TRAPPC9: variants seen among roughly 807,000 people sequenced by gnomAD.
The protein encoded by TRAPPC9 is IKK2 binding protein.
TRAPPC9 carries 83 observed loss-of-function variants against 124.0 expected under a neutral mutation model. The observed-to-expected ratio is 0.67, with a 90% CI of 0.56 to 0.80. The LOEUF is 0.80. TRAPPC9 is among the 30% of genes least tolerant of loss of function. The pLI is 0.00. For missense variants in TRAPPC9, 1,302 were observed against 1,508.3 expected, an observed-to-expected ratio of 0.86 and a Z score of 2.27; for synonymous variants, 638 against 617.5, an observed-to-expected ratio of 1.03 and a Z score of -0.49.
intron 16 of TRAPPC9, among the ~76,000 whole-genome samples, chr8:140,251,634 C>G (rs948157820): frequency 2.0e-5 from 3 of 152,206 alleles, no homozygotes; most frequent in Non-Finnish European, 4.4e-5. Flanking sequence ...GCTGCATCTA[C>G]TGAAGGCCTA....
intron 19 of TRAPPC9, among the ~76,000 whole-genome samples, chr8:139,969,102 T>A (rs919727374): frequency 6.6e-6 from 1 of 152,256 alleles, no homozygotes; most frequent in Non-Finnish European, 1.5e-5. Flanking sequence ...ATCGTGCATG[T>A]CTAACGCAGC....
In TRAPPC9 at chr8:140,252,737, A is replaced by G. The variant is rs2064157890; in HGVS notation, c.2431+40T>C. On this transcript the variant is annotated intron_variant, in intron 16 of 22. Coordinates refer to ENST00000438773, the MANE Select transcript of TRAPPC9 (RefSeq NM_001160372.4). The surrounding 1 kb of genome is among the most constrained non-coding windows in gnomAD (Gnocchi z 4.2). ...GGATGGGGGTTGCTACACAGTATCT[A>G]GGACCCTGACGTGCTAATTAAAATT... The G allele has an allele frequency of 1.2e-6, 2 of 1,608,466 alleles. No homozygotes were observed. The highest frequency in any genetic ancestry group is 1.7e-6 in the Non-Finnish European group (2 of 1,179,404).
intron 21 of TRAPPC9, among the ~76,000 whole-genome samples, chr8:139,803,146 C>T (rs1208632695): frequency 6.8e-6 from 1 of 147,824 alleles, no homozygotes; most frequent in Admixed American, 6.7e-5. Flanking sequence ...GTCTGTGTGC[C>T]GTCGTGTGAG....
chr8:140,066,909 G>T (rs1226421973), intron 17 of TRAPPC9, among the ~76,000 whole-genome samples: 1 of 152,168 alleles, frequency 6.6e-6, no homozygotes, highest in South Asian at 2.1e-4. Flanking sequence ...AGGAAGAAAG[G>T]CTCCTGCATG....
chr8:140,085,919 C>G (rs1844155989), intron 17 of TRAPPC9, among the ~76,000 whole-genome samples: 1 of 152,144 alleles, frequency 6.6e-6, no homozygotes, highest in Non-Finnish European at 1.5e-5. Flanking sequence ...TATAGCTTCC[C>G]CCCACCCCAC....
intron 21 of TRAPPC9, among the ~76,000 whole-genome samples, chr8:139,809,387 C>A (rs1023016191): frequency 6.6e-6 from 1 of 151,992 alleles, no homozygotes; most frequent in Non-Finnish European, 1.5e-5. Context: ...GAGGAGACTG[C>A]GAACTGAGGA....
chr8:140,382,895 T>G (rs1184661015), intron 7 of TRAPPC9, among the ~76,000 whole-genome samples: 3 of 151,834 alleles, frequency 2.0e-5, no homozygotes, highest in Non-Finnish European at 4.4e-5. Flanking sequence ...GTAGCCTAAC[T>G]TGGGGGGAGG....
chr8:140,415,205 T>C (rs1466894304), intron 5 of TRAPPC9, among the ~76,000 whole-genome samples: 1 of 151,640 alleles, frequency 6.6e-6, no homozygotes, highest in Non-Finnish European at 1.5e-5. Flanking sequence ...TAGAACCTTG[T>C]CTAAAAATAA....
At chr8:140,116,110 C>T (rs1009875502) in intron 17 of TRAPPC9, among the ~76,000 whole-genome samples, 1 of 151,942 alleles carries the variant, frequency 6.6e-6, no homozygotes, top group African/African-American at 2.4e-5. Context: ...AGCAACTGCA[C>T]GCAGGATATG....
chr8:140,391,036 T>C (rs1055882249), intron 7 of TRAPPC9, among the ~76,000 whole-genome samples: 1 of 152,216 alleles, frequency 6.6e-6, no homozygotes. Context: ...TTGCAATTAT[T>C]ATGTGCATAT....
intron 19 of TRAPPC9, among the ~76,000 whole-genome samples, chr8:139,971,816 T>TATATAC (rs5895629): frequency 1.5e-3 from 225 of 145,848 alleles, no homozygotes; most frequent in African/African-American, 5.5e-3. Context: ...TATATATATA[T>TATATAC]ACACACACAC....
At chr8:140,049,844 C>T (rs1841870113) in intron 17 of TRAPPC9, among the ~76,000 whole-genome samples, 1 of 152,146 alleles carries the variant, frequency 6.6e-6, no homozygotes, top group Admixed American at 6.5e-5. Flanking sequence ...AGCTTTATTC[C>T]TCATTGTAGG....
intron 15 of TRAPPC9, among the ~76,000 whole-genome samples, chr8:140,259,934 C>T (rs112667603): frequency 2.0e-5 from 3 of 152,298 alleles, no homozygotes; most frequent in African/African-American, 7.2e-5. Flanking sequence ...AAGCGGAATA[C>T]CACAGTGAAT....
At chr8:140,139,387 TAAAG>T (rs1470428885) in intron 17 of TRAPPC9, among the ~76,000 whole-genome samples, 2 of 152,122 alleles carry the variant, frequency 1.3e-5, no homozygotes, top group Non-Finnish European at 2.9e-5. Flanking sequence ...AATGTTCTCA[TAAAG>T]AGAGACACAG....
At chr8:139,827,796 G>GCC in intron 21 of TRAPPC9, among the ~76,000 whole-genome samples, 1 of 152,222 alleles carries the variant, frequency 6.6e-6, no homozygotes, top group African/African-American at 2.4e-5. Context: ...TCGGCTCACA[G>GCC]TGCTGCAGGC....
intron 5 of TRAPPC9, 144 bp downstream of exon 5, chr8:140,426,471 G>C (rs1341298545): frequency 1.1e-6 from 1 of 890,046 alleles, no homozygotes; most frequent in African/African-American, 1.7e-5. Flanking sequence ...CAATCATCAA[G>C]CTTTTAACAG....
chr8:140,374,825 C>T (rs1245027007), intron 7 of TRAPPC9, among the ~76,000 whole-genome samples: 2 of 152,172 alleles, frequency 1.3e-5, no homozygotes, highest in Non-Finnish European at 2.9e-5. Flanking sequence ...TGCGTTAGAA[C>T]TCCCATTGAT....
intron 21 of TRAPPC9, among the ~76,000 whole-genome samples, chr8:139,847,539 G>A (rs938494782): frequency 2.0e-5 from 3 of 152,090 alleles, no homozygotes; most frequent in Admixed American, 6.5e-5. Context: ...GGCCCGGCCT[G>A]GGGATGGGCA....
At chr8:140,034,102 T>C (rs1840728280) in intron 17 of TRAPPC9, among the ~76,000 whole-genome samples, 1 of 152,224 alleles carries the variant, frequency 6.6e-6, no homozygotes, top group South Asian at 2.1e-4. Context: ...TCAACTTTAC[T>C]AATATTTTGC....
Sources: allele counts gnomAD v4.1 joint callset (sites outside exome capture counted in the v4.1 genomes callset), GRCh38; gene constraint gnomAD v4.1.1; non-coding constraint Gnocchi (gnomAD v3.1); transcripts MANE v1.5; gene names NCBI Gene and HGNC (gene_info 2026-07-23, HGNC 2026-07-21).